The following ATP8A1 variants were observed in gnomAD, a reference collection of about 807,000 sequenced individuals.
ATP8A1 encodes phospholipid-transporting ATPase IA.
A neutral mutation model predicts 177.7 loss-of-function variants in ATP8A1; 90 were observed. That is an observed-to-expected ratio of 0.51 (90% CI 0.43 to 0.60). ATP8A1 has a LOEUF of 0.60. Among genes scored for constraint, ATP8A1 ranks in the 20% least tolerant of loss-of-function variants. The probability of loss-of-function intolerance (pLI) is 0.00; values close to 1 mark genes in which losing one functional copy is unlikely to be tolerated. For missense variants in ATP8A1, 1,072 were observed against 1,392.8 expected, an observed-to-expected ratio of 0.77 and a Z score of 3.67; for synonymous variants, 493 against 485.9, an observed-to-expected ratio of 1.01 and a Z score of -0.19.
intron 9 of ATP8A1, among the ~76,000 whole-genome samples, chr4:42,583,167 G>A (rs1002499010): frequency 1.2e-4 from 3 of 24,954 alleles, no homozygotes; most frequent in Non-Finnish European, 3.6e-4. Context: ...TGGACATTCA[G>A]GAACTACACA....
At chr4:42,601,033 CT>C (rs36117571) in intron 5 of ATP8A1, among the ~76,000 whole-genome samples, 12 of 102,424 alleles carry the variant, frequency 1.2e-4, no homozygotes, top group African/African-American at 1.8e-4. Flanking sequence ...CCCAAATTTT[CT>C]TTTTTTTTTT....
chr4:42,419,796 G>A (rs1713663717), intron 35 of ATP8A1, among the ~76,000 whole-genome samples: 1 of 152,178 alleles, frequency 6.6e-6, no homozygotes, highest in Non-Finnish European at 1.5e-5. Flanking sequence ...GAGGTCAGGA[G>A]TTCGAGACCA....
At position 42,551,261 on chromosome 4, in the gene ATP8A1, T is replaced by C. The variant is rs1291855158; in HGVS notation, c.1539A>G (p.Arg513=). 1 of 1,613,672 alleles carries C rather than the reference T, an allele frequency of 6.2e-7. No homozygotes were observed. Among genetic ancestry groups the C allele is most frequent in the Non-Finnish European group, 8.5e-7 (1 of 1,179,824 alleles). ...AASPDEGALV[R]AAKQLNFVFT... is the part of the protein sequence containing the mutation. ...AAACAAAATTCAATTGCTTGGCTGC[T>C]CTGACCAATGCTCCCTCATCTGTTT... Residue 513 remains arginine (R), a synonymous_variant, in exon 18 of 37, where the codon AGA becomes AGG. Transcript: ENST00000381668.
In ATP8A1 at chr4:42,586,295, AAT is replaced by A; in HGVS notation, c.722+52_722+53del. 13 of 1,593,154 alleles carry A rather than the reference AAT, an allele frequency of 8.2e-6. No individual in the cohort carries two copies. The South Asian group carries it at 1.2e-4, about 15-fold the overall frequency. On this transcript the variant is annotated intron_variant, in intron 9 of 36. Transcript: ENST00000381668. ...TGTATCCAGACTTAGAAGACACAGCAATACTCTATGACACAGTGGATTCTGTG... is the reference window on the plus strand; with the variant it reads ...TGTATCCAGACTTAGAAGACACAGCAACTCTATGACACAGTGGATTCTGTG...
chr4:42,649,405 T>G (rs775758473), intron 1 of ATP8A1, among the ~76,000 whole-genome samples: 1 of 152,106 alleles, frequency 6.6e-6, no homozygotes, highest in Non-Finnish European at 1.5e-5. Flanking sequence ...TTCTGGAAAA[T>G]AGTTGGGAAG....
At chr4:42,594,466 G>T in intron 6 of ATP8A1, 1 of 665,882 alleles carries the variant, frequency 1.5e-6, no homozygotes, top group Non-Finnish European at 2.6e-6. Flanking sequence ...ATGGTTATCG[G>T]CAAACAAGAA....
At chr4:42,428,819 C>T (rs1180128364) in intron 33 of ATP8A1, among the ~76,000 whole-genome samples, 1 of 152,148 alleles carries the variant, frequency 6.6e-6, no homozygotes. Context: ...GCCTGGAAAG[C>T]GCCCATGCTC....
intron 9 of ATP8A1, among the ~76,000 whole-genome samples, chr4:42,584,080 G>A (rs1315889875): frequency 6.6e-6 from 1 of 152,160 alleles, no homozygotes; most frequent in African/African-American, 2.4e-5. Flanking sequence ...ACAGTTCAGG[G>A]TATACTTCAA....
intron 33 of ATP8A1, among the ~76,000 whole-genome samples, chr4:42,438,910 C>T (rs1716304036): frequency 6.6e-6 from 1 of 152,076 alleles, no homozygotes; most frequent in African/African-American, 2.4e-5. Flanking sequence ...AAACATAGCG[C>T]CTGGAGAACT....
chr4:42,457,567 C>T (rs750069377), intron 27 of ATP8A1, among the ~76,000 whole-genome samples: 7 of 152,170 alleles, frequency 4.6e-5, no homozygotes, highest in East Asian at 3.8e-4. Flanking sequence ...ATTCGTCTAA[C>T]GGACAAGATT....
chr4:42,610,013 A>G (rs574899308), intron 5 of ATP8A1, among the ~76,000 whole-genome samples: 5 of 152,058 alleles, frequency 3.3e-5, no homozygotes, highest in Non-Finnish European at 5.9e-5. Context: ...ATGTCTTCCC[A>G]CTTCCACAGT....
chr4:42,571,949 C>A (rs557357582), intron 14 of ATP8A1, among the ~76,000 whole-genome samples: 1 of 152,256 alleles, frequency 6.6e-6, no homozygotes, highest in South Asian at 2.1e-4. Flanking sequence ...TTCTTACAAA[C>A]ATGGAATACC....
chr4:42,638,601 C>T (rs978067108), intron 1 of ATP8A1, among the ~76,000 whole-genome samples: 6 of 152,276 alleles, frequency 3.9e-5, no homozygotes, highest in Middle Eastern at 3.4e-3. Flanking sequence ...CATTTACTAA[C>T]GCCATTTCAT....
intron 25 of ATP8A1, among the ~76,000 whole-genome samples, chr4:42,480,229 CT>C (rs1207372094): frequency 5.9e-5 from 9 of 152,128 alleles, no homozygotes; most frequent in South Asian, 2.1e-4. Flanking sequence ...ATTGCAGTTC[CT>C]TTAATACTAC....
chr4:42,428,910 G>C lies in ATP8A1; in HGVS notation c.3124-5205C>G, dbSNP rs538405196. 5.8e-4 allele frequency among the ~76,000 whole-genome samples: 89 copies of C among 152,146 alleles called. 1 individual carries two copies. Among genetic ancestry groups the C allele is most frequent in the African/African-American group, 2.0e-3 (84 of 41,502 alleles). On this transcript the variant is annotated intron_variant, in intron 33 of 36. Coordinates refer to ENST00000381668, the MANE Select transcript of ATP8A1 (RefSeq NM_006095.2). ...TTCTTAGACTCAGAGGACACTACTTGGGCTTCCGTTATGTTGGCACCTATC... is the reference window on the plus strand; with the variant it reads ...TTCTTAGACTCAGAGGACACTACTTCGGCTTCCGTTATGTTGGCACCTATC...
At chr4:42,547,928 C>T (rs1729091307) in intron 19 of ATP8A1, among the ~76,000 whole-genome samples, 1 of 152,202 alleles carries the variant, frequency 6.6e-6, no homozygotes, top group Non-Finnish European at 1.5e-5. Flanking sequence ...AGCAGCATTA[C>T]TTCCTCATGG....
At chr4:42,648,249 C>A (rs539285823) in intron 1 of ATP8A1, among the ~76,000 whole-genome samples, 14 of 151,496 alleles carry the variant, frequency 9.2e-5, no homozygotes, top group African/African-American at 3.4e-4. Flanking sequence ...CCAGAAAAAC[C>A]TAGAGAAAAG....
chr4:42,526,854 C>T (rs1726722602), intron 20 of ATP8A1, among the ~76,000 whole-genome samples: 1 of 152,108 alleles, frequency 6.6e-6, no homozygotes, highest in South Asian at 2.1e-4. Flanking sequence ...GAGGTGGCTG[C>T]TTAATATGAT....
At chr4:42,505,556 T>A (rs563924798) in intron 23 of ATP8A1, among the ~76,000 whole-genome samples, 1 of 152,350 alleles carries the variant, frequency 6.6e-6, no homozygotes, top group African/African-American at 2.4e-5. Flanking sequence ...ATAGCAGCGA[T>A]AATTTTTACA....
Sources: allele counts gnomAD v4.1 joint callset (sites outside exome capture counted in the v4.1 genomes callset), GRCh38; gene constraint gnomAD v4.1.1; transcripts MANE v1.5; gene names NCBI Gene and HGNC (gene_info 2026-07-23, HGNC 2026-07-21).